Variants in CDK17 observed in about 807,000 individuals in gnomAD.
The protein encoded by CDK17 is cyclin-dependent kinase 17.
A neutral mutation model predicts 77.6 loss-of-function variants in CDK17; 24 were observed. The observed-to-expected ratio is 0.31, with a 90% confidence interval of 0.22 to 0.44. CDK17 has a LOEUF of 0.44. Among genes scored for constraint, CDK17 ranks in the 20% least tolerant of loss-of-function variants. CDK17 has a pLI of 1.00. For synonymous variants in CDK17, 203 were observed against 210.4 expected (o/e 0.96, Z 0.30); for missense variants, 429 against 622.5 (o/e 0.69, Z 3.31).
chr12:96,289,983 C>T (rs1346704507), intron 10 of CDK17, among the ~76,000 whole-genome samples: 1 of 151,960 alleles, frequency 6.6e-6, no homozygotes, highest in East Asian at 1.9e-4. Flanking sequence ...CTGTCTTAAG[C>T]CACACATAAA....
At chr12:96,310,978 A>C in intron 5 of CDK17, 74 bp downstream of exon 5, 1 of 1,450,144 alleles carries the variant, frequency 6.9e-7, no homozygotes, top group Admixed American at 2.7e-5. Context: ...AAATTAATTT[A>C]AAATGTTTAC....
At chr12:96,333,430 C>A (rs184532615) in intron 2 of CDK17, among the ~76,000 whole-genome samples, 4 of 151,868 alleles carry the variant, frequency 2.6e-5, no homozygotes, top group Non-Finnish European at 4.4e-5. Context: ...TTTGGGAGGT[C>A]GAGGCAGGCA....
intron 10 of CDK17, among the ~76,000 whole-genome samples, chr12:96,292,338 G>A (rs1365934405): frequency 1.3e-5 from 2 of 151,972 alleles, no homozygotes; most frequent in Admixed American, 6.6e-5. Flanking sequence ...AGGTGTGATG[G>A]CTCACACCTG....
intron 1 of CDK17, among the ~76,000 whole-genome samples, chr12:96,338,542 G>A (rs1953078699): frequency 6.6e-6 from 1 of 151,956 alleles, no homozygotes; most frequent in African/African-American, 2.4e-5. Context: ...TTCAAACACA[G>A]GCATCTAGTC....
rs753681868 is a variant in CDK17, at chr12:96,286,088, T to C, written c.1277A>G (p.Asn426Ser). ...ISSNEEFKNY[N>S]FPKYKPQPLI... The stretch of plus-strand genomic sequence containing the variant: ...AGGCTGTGGTTTATATTTTGGAAAG[T>C]TGTAGTTCTTGAACTCCTCATTTGA... The change falls in exon 13 of 17, where the codon AAC becomes AGC. Residue 426 changes from asparagine (N) to serine (S), a missense_variant. Transcript: ENST00000261211. The C allele has an allele frequency of 2.3e-5, 36 of 1,551,990 alleles. No homozygotes were observed. Among genetic ancestry groups the C allele is most frequent in the African/African-American group, 1.1e-4 (8 of 71,950 alleles).
chr12:96,389,838 T>G (rs1303619090), intron 1 of CDK17, among the ~76,000 whole-genome samples: 10 of 149,974 alleles, frequency 6.7e-5, no homozygotes, highest in East Asian at 3.9e-4. Context: ...GTTTTTTGTT[T>G]TTTTTTTTTT....
intron 3 of CDK17, among the ~76,000 whole-genome samples, chr12:96,322,503 A>C (rs138655209): frequency 0.025 from 3,727 of 152,064 alleles, 59 homozygotes; most frequent in Middle Eastern, 0.058. Context: ...CAAAAAAAAA[A>C]AAAACAAACC....
At chr12:96,333,671 CAAAAAAA>C (rs58025242) in intron 2 of CDK17, among the ~76,000 whole-genome samples, 1 of 111,570 alleles carries the variant, frequency 9.0e-6, no homozygotes, top group African/African-American at 3.1e-5. Context: ...GAGACTGTCT[CAAAAAAA>C]AAAAAAAAAG....
chr12:96,390,969 C>T (rs998434260), intron 1 of CDK17, among the ~76,000 whole-genome samples: 8 of 151,586 alleles, frequency 5.3e-5, no homozygotes, highest in African/African-American at 1.9e-4. Context: ...CGCCTATAAT[C>T]CCAGCTACTC....
At position 96,363,153 on chromosome 12, in the gene CDK17, A is replaced by G. The variant is rs188794135; in HGVS notation, c.-29-28288T>C. On this transcript the variant is annotated intron_variant, in intron 1 of 16. Coordinates refer to ENST00000261211, the MANE Select transcript of CDK17 (RefSeq NM_002595.5). Reference sequence around the variant, plus strand: ...AAAACAAGTCATCAATTAGCATTTTAAAATTAGAACCCCCTGGCCAGGCAT... The same window carrying G: ...AAAACAAGTCATCAATTAGCATTTTGAAATTAGAACCCCCTGGCCAGGCAT... Among the ~76,000 whole-genome samples the G allele has an allele frequency of 2.0e-3, 304 of 152,198 alleles. 1 individual carries two copies. The highest frequency in any genetic ancestry group is 6.6e-3 in the African/African-American group (276 of 41,550).
intron 1 of CDK17, among the ~76,000 whole-genome samples, chr12:96,379,811 C>T (rs1001858110): frequency 1.1e-4 from 17 of 152,056 alleles, no homozygotes; most frequent in Admixed American, 2.0e-4. Flanking sequence ...ATTTCCTCAT[C>T]GGAAGATAAA....
At chr12:96,359,663 G>A (rs891077449) in intron 1 of CDK17, among the ~76,000 whole-genome samples, 3 of 152,016 alleles carry the variant, frequency 2.0e-5, no homozygotes, top group African/African-American at 2.4e-5. Context: ...TAACATTTTG[G>A]CATTTGGAGA....
At chr12:96,334,058 G>A (rs1456565218) in intron 2 of CDK17, among the ~76,000 whole-genome samples, 1 of 152,136 alleles carries the variant, frequency 6.6e-6, no homozygotes, top group Non-Finnish European at 1.5e-5. Context: ...ATCTCTAACA[G>A]CAGAATTTCA....
At chr12:96,335,081 A>G in intron 1 of CDK17, 1 of 604,274 alleles carries the variant, frequency 1.7e-6, no homozygotes, top group East Asian at 3.5e-5. Flanking sequence ...CAGGAATTCC[A>G]TGTAACTAAA....
At position 96,316,465 on chromosome 12, in the gene CDK17, A is replaced by G. The variant is rs533501491; in HGVS notation, c.284-3011T>C. ...GGGTGGAGCCCACCACAGCTCAAGG[A>G]GGCCTGCCTGCCTTTGTAGGCTCCA... On this transcript the variant is annotated intron_variant, in intron 3 of 16. Coordinates refer to ENST00000261211, the MANE Select transcript of CDK17 (RefSeq NM_002595.5). Among the ~76,000 whole-genome samples, 41 of 147,606 alleles carry G rather than the reference A, an allele frequency of 2.8e-4. 1 individual carries two copies. The highest frequency in any genetic ancestry group is 1.0e-3 in the African/African-American group (41 of 39,616).
intron 1 of CDK17, among the ~76,000 whole-genome samples, chr12:96,374,469 A>C (rs1489489854): frequency 6.6e-6 from 1 of 152,182 alleles, no homozygotes; most frequent in African/African-American, 2.4e-5. Context: ...ATTGCCTCAA[A>C]GAAATTATTT....
At chr12:96,390,447 G>A (rs7305520) in intron 1 of CDK17, among the ~76,000 whole-genome samples, 63,147 of 147,284 alleles carry the variant, frequency 0.43, 14,652 homozygotes, top group African/African-American at 0.6. Flanking sequence ...GGTGGCTCAC[G>A]CCTTTAATCC....
chr12:96,340,458 A>G (rs1953106689), intron 1 of CDK17, among the ~76,000 whole-genome samples: 1 of 152,202 alleles, frequency 6.6e-6, no homozygotes, highest in Non-Finnish European at 1.5e-5. Flanking sequence ...TCTGTGGTAT[A>G]ATTGTAAAAT....
chr12:96,316,712 G>T lies in CDK17; in HGVS notation c.284-3258C>A, dbSNP rs10860015. Reference sequence around the variant, plus strand: ...GCAGGGGCACACTGACACCTCACACGGCAGGGTATTCCAACAGACCTGCAG... The same window carrying T: ...GCAGGGGCACACTGACACCTCACACTGCAGGGTATTCCAACAGACCTGCAG... On this transcript the variant is annotated intron_variant, in intron 3 of 16. Transcript: ENST00000261211. 2.0e-4 allele frequency among the ~76,000 whole-genome samples: 21 copies of T among 102,494 alleles called. 3 individuals carry two copies. Among genetic ancestry groups the T allele is most frequent in the African/African-American group, 5.3e-4 (15 of 28,214 alleles). 67.2% of individuals were successfully genotyped at this position (102,494 alleles called of 152,430 possible).
Sources: gnomAD v4.1 joint callset for allele counts (sites outside exome capture counted in the v4.1 genomes callset) on GRCh38, gnomAD v4.1.1 for gene constraint, MANE v1.5 for transcripts, NCBI Gene and HGNC (gene_info 2026-07-23, HGNC 2026-07-21) for gene names.